The following NPLOC4 variants were observed in gnomAD, a reference collection of about 807,000 sequenced individuals.
NPLOC4 encodes NPL4 homolog, ubiquitin recognition factor.
In NPLOC4, 18 loss-of-function variants were observed where a neutral mutation model predicts 80.6. That is an observed-to-expected ratio of 0.22 (90% confidence interval 0.15 to 0.33). The LOEUF is 0.33. Among genes scored for constraint, NPLOC4 ranks in the 10% least tolerant of loss-of-function variants. NPLOC4 has a pLI of 1.00. For missense variants in NPLOC4, 540 were observed against 786.1 expected, an observed-to-expected ratio of 0.69 and a Z score of 3.74; for synonymous variants, 313 against 301.5, an observed-to-expected ratio of 1.04 and a Z score of -0.39.
At chr17:81,594,274 CAAAAAAAAAAA>C (rs869281063) in intron 11 of NPLOC4, among the ~76,000 whole-genome samples, 5 of 53,666 alleles carry the variant, frequency 9.3e-5, no homozygotes, top group Admixed American at 2.9e-4. Context: ...GACTCCGTCT[CAAAAAAAAAAA>C]AAAAAAAAAA....
At chr17:81,602,958 T>TAC (rs2035101022) in intron 8 of NPLOC4, among the ~76,000 whole-genome samples, 1 of 141,124 alleles carries the variant, frequency 7.1e-6, no homozygotes, top group African/African-American at 2.7e-5. Flanking sequence ...CACATATATA[T>TAC]ACACACATAT....
intron 2 of NPLOC4, 147 bp from the exon 3 acceptor site, chr17:81,622,425 T>G: frequency 2.9e-6 from 2 of 678,354 alleles, no homozygotes; most frequent in Non-Finnish European, 5.2e-6. Flanking sequence ...TTTTGCTCTT[T>G]TAAAGAAATT....
At position 81,557,486 on chromosome 17, in the gene NPLOC4, G is replaced by A. The variant is rs964198866; in HGVS notation, c.*1773C>T. 1.3e-5 allele frequency: 2 copies of A among 152,288 alleles called. No individual in the cohort carries two copies. The highest frequency in any genetic ancestry group is 2.9e-5 in the Non-Finnish European group (2 of 68,078). The allele number at this position is 152,288 out of a possible 1,614,324, so 9.4% of individuals were successfully genotyped here. ...GGTGGATAAGGACGAGCGAGTGGGA[G>A]AGGAACTGGCAACGCGGCTCTCTCT... On this transcript the variant is annotated 3_prime_UTR_variant, in exon 17 of 17. Transcript: ENST00000331134.
intron 8 of NPLOC4, among the ~76,000 whole-genome samples, chr17:81,603,682 G>C (rs1425538966): frequency 6.6e-6 from 1 of 152,072 alleles, no homozygotes; most frequent in African/African-American, 2.4e-5. Flanking sequence ...CCCACCACTA[G>C]ATTCACCATG....
At chr17:81,575,099 G>C (rs994901909) in intron 12 of NPLOC4, among the ~76,000 whole-genome samples, 7 of 152,068 alleles carry the variant, frequency 4.6e-5, no homozygotes, top group South Asian at 2.1e-4. Flanking sequence ...CAGACACTCG[G>C]TTACTTTTCT....
chr17:81,575,279 TTTTAGTAGAG>T (rs1201790240), intron 12 of NPLOC4, among the ~76,000 whole-genome samples: 5 of 152,186 alleles, frequency 3.3e-5, no homozygotes, highest in Non-Finnish European at 4.4e-5. Flanking sequence ...TTTTTCTATT[TTTTAGTAGAG>T]ACGGGGTTTC....
intron 13 of NPLOC4, among the ~76,000 whole-genome samples, chr17:81,571,124 G>A (rs1019345491): frequency 6.6e-6 from 1 of 152,194 alleles, no homozygotes; most frequent in Non-Finnish European, 1.5e-5. Flanking sequence ...GGAGCTGTCA[G>A]TTGGAATGGT....
intron 11 of NPLOC4, among the ~76,000 whole-genome samples, chr17:81,590,551 A>G (rs9915806): frequency 0.15 from 22,551 of 152,014 alleles, 2,014 homozygotes; most frequent in Admixed American, 0.23. Context: ...TTACTATGTT[A>G]CCCAGGCTGG....
intron 1 of NPLOC4, among the ~76,000 whole-genome samples, chr17:81,634,815 C>T (rs536827567): frequency 5.9e-4 from 89 of 151,994 alleles, no homozygotes; most frequent in African/African-American, 2.1e-3. Flanking sequence ...GAACTCCTGA[C>T]CTCGTGATCC....
At position 81,572,182 on chromosome 17, in the gene NPLOC4, T is replaced by A. The variant is rs893449126; in HGVS notation, c.1282-94A>T. 15 of 579,994 alleles carry A rather than the reference T, an allele frequency of 2.6e-5. No homozygotes were observed. The highest frequency in any genetic ancestry group is 3.5e-5 in the Non-Finnish European group (13 of 371,670). The allele number at this position is 579,994 out of a possible 1,614,324, so 35.9% of individuals were successfully genotyped here. On this transcript the variant is annotated intron_variant, in intron 12 of 16. Coordinates refer to ENST00000331134, the MANE Select transcript of NPLOC4 (RefSeq NM_017921.4). This position sits in a 1 kb window ranked among gnomAD's most constrained non-coding sequence, Gnocchi z 4.5. ...TTGTCTCACCTTTTATTTAATTAAT[T>A]AATTTATTTATTTATTTATTTTTTG...
chr17:81,589,504 C>G (rs1321757993), intron 11 of NPLOC4, among the ~76,000 whole-genome samples: 1 of 150,318 alleles, frequency 6.7e-6, no homozygotes, highest in Non-Finnish European at 1.5e-5. Flanking sequence ...TGCCGCTGCA[C>G]TCCAGCCTGG....
chr17:81,627,284 C>T (rs957841231), intron 2 of NPLOC4, among the ~76,000 whole-genome samples: 6 of 150,924 alleles, frequency 4.0e-5, no homozygotes, highest in Admixed American at 2.6e-4. Flanking sequence ...CCCAGCTACT[C>T]GGGAGGCTGA....
chr17:81,599,298 T>A lies in NPLOC4; in HGVS notation c.921+1043A>T, dbSNP rs1047788368. On this transcript the variant is annotated intron_variant, in intron 9 of 16. Transcript: ENST00000331134. Reference sequence around the variant, plus strand: ...AGCAAGACTCCTCAAAAAAAAAAAATAAAATAAAATAAAAAGAGAAACTTG... The same window carrying A: ...AGCAAGACTCCTCAAAAAAAAAAAAAAAAATAAAATAAAAAGAGAAACTTG... Among the ~76,000 whole-genome samples, 89 of 149,098 alleles carry A rather than the reference T, an allele frequency of 6.0e-4. 3 individuals are homozygous for A. The East Asian group carries it at 0.011, about 19-fold the overall frequency.
chr17:81,576,633 CAAAGAACGAAAA>C (rs76703483), intron 12 of NPLOC4, among the ~76,000 whole-genome samples: 21,784 of 152,072 alleles, frequency 0.14, 1,857 homozygotes, highest in Admixed American at 0.23. Context: ...GTATAAAAGA[CAAAGAACGAAAA>C]CCTGGCGTGT....
In NPLOC4 at chr17:81,577,227, C is replaced by T. The variant is rs149945859; in HGVS notation, c.1282-5139G>A. Among the ~76,000 whole-genome samples the T allele has an allele frequency of 4.2e-3, 633 of 152,150 alleles. 3 individuals are homozygous for T. Among genetic ancestry groups the T allele is most frequent in the African/African-American group, 0.015 (606 of 41,490 alleles). On this transcript the variant is annotated intron_variant, in intron 12 of 16. Coordinates refer to ENST00000331134, the MANE Select transcript of NPLOC4 (RefSeq NM_017921.4). This position sits in a 1 kb window ranked among gnomAD's most constrained non-coding sequence, Gnocchi z 4.3. ...CTCAGCTCCCCACGGCGCTCTGACC[C>T]GCCCCACCCCATCACTGTGTAGTCC...
intron 12 of NPLOC4, among the ~76,000 whole-genome samples, chr17:81,579,576 A>G (rs1022969142): frequency 6.6e-6 from 1 of 151,764 alleles, no homozygotes; most frequent in African/African-American, 2.4e-5. Flanking sequence ...CCTGCATCCC[A>G]TCGCTCCTGC....
chr17:81,588,377 T>C (rs572289723), intron 12 of NPLOC4, among the ~76,000 whole-genome samples: 5 of 152,186 alleles, frequency 3.3e-5, no homozygotes, highest in Admixed American at 2.0e-4. Flanking sequence ...CCCCTATCCT[T>C]GAGACAGGGT....
rs1041275045 is a variant in NPLOC4 at position 81,595,833 on chromosome 17, C to A, written c.1120+283G>T. Among the ~76,000 whole-genome samples, 11 of 152,100 alleles carry A rather than the reference C, an allele frequency of 7.2e-5. No homozygotes were observed. In the East Asian group the frequency reaches 2.1e-3, roughly 29 times the overall value. ...TGCTGGGATTACAGGCGTGAGCCACCACGCCCGGCCAAAAAAGTGGACTTT... is the reference window on the plus strand; with the variant it reads ...TGCTGGGATTACAGGCGTGAGCCACAACGCCCGGCCAAAAAAGTGGACTTT... On this transcript the variant is annotated intron_variant, in intron 11 of 16. Coordinates refer to ENST00000331134, the MANE Select transcript of NPLOC4 (RefSeq NM_017921.4).
intron 1 of NPLOC4, among the ~76,000 whole-genome samples, chr17:81,631,436 ATTTTTTTTTTT>A (rs70938164): frequency 0.019 from 2,279 of 117,042 alleles, 105 homozygotes; most frequent in African/African-American, 0.039. Flanking sequence ...ATATATATAT[ATTTTTTTTTTT>A]TTTTTTTTTT....
Sources: gnomAD v4.1 joint callset for allele counts (sites outside exome capture counted in the v4.1 genomes callset) on GRCh38, gnomAD v4.1.1 for gene constraint, Gnocchi (gnomAD v3.1) non-coding constraint, MANE v1.5 for transcripts, NCBI Gene and HGNC (gene_info 2026-07-23, HGNC 2026-07-21) for gene names.